Variants in INPP4B observed in about 807,000 individuals in gnomAD.
The protein encoded by INPP4B is inositol polyphosphate-4-phosphatase type II B.
INPP4B carries 55 observed loss-of-function variants against 122.5 expected under a neutral mutation model. The ratio of observed to expected loss-of-function variants is 0.45; its 90% CI spans 0.36 to 0.56. INPP4B has a LOEUF of 0.56. Ranked by LOEUF, INPP4B falls within the 20% of genes least tolerant of loss-of-function variation. The probability of loss-of-function intolerance (pLI) is 0.00; values close to 1 mark genes in which losing one functional copy is unlikely to be tolerated. For synonymous variants in INPP4B, 403 were observed against 388.7 expected, an observed-to-expected ratio of 1.04 and a Z score of -0.43; for missense variants, 1,000 against 1,097.7, an observed-to-expected ratio of 0.91 and a Z score of 1.26.
chr4:142,053,499 TG>T (rs1201898755), intron 25 of INPP4B, among the ~76,000 whole-genome samples: 1 of 152,106 alleles, frequency 6.6e-6, no homozygotes, highest in Non-Finnish European at 1.5e-5. Context: ...ATTGTTCTGC[TG>T]GGAAAAATTG....
chr4:142,435,477 G>T (rs1810252548), intron 3 of INPP4B, among the ~76,000 whole-genome samples: 1 of 149,302 alleles, frequency 6.7e-6, no homozygotes, highest in South Asian at 2.2e-4. Flanking sequence ...AATTTATTTG[G>T]GGGAGGGGGG....
At chr4:142,343,631 C>A (rs1444041235) in intron 7 of INPP4B, among the ~76,000 whole-genome samples, 1 of 151,890 alleles carries the variant, frequency 6.6e-6, no homozygotes, top group Non-Finnish European at 1.5e-5. Flanking sequence ...GACTAATGAC[C>A]AATAGCTCAA....
chr4:142,368,918 T>C lies in INPP4B; in HGVS notation c.372+34020A>G, dbSNP rs1399998569. Among the ~76,000 whole-genome samples the C allele has an allele frequency of 2.6e-5, 4 of 151,946 alleles. No individual in the cohort carries two copies. The East Asian group carries it at 7.8e-4, about 29-fold the overall frequency. Reference sequence around the variant, plus strand: ...AGAGTAAAAGGAGACATTTGCCGAGTTAAGCCTGGATCACTTCAAGAAGAG... The same window carrying C: ...AGAGTAAAAGGAGACATTTGCCGAGCTAAGCCTGGATCACTTCAAGAAGAG... On this transcript the variant is annotated intron_variant, in intron 7 of 25. Coordinates refer to ENST00000262992, the MANE Select transcript of INPP4B (RefSeq NM_001101669.3).
intron 1 of INPP4B, among the ~76,000 whole-genome samples, chr4:142,772,053 AT>A (rs1773154194): frequency 6.6e-6 from 1 of 152,142 alleles, no homozygotes; most frequent in Admixed American, 6.5e-5. Flanking sequence ...TAAGTTTGTG[AT>A]TCTAATTAGA....
chr4:142,316,136 C>T (rs1767560361), intron 7 of INPP4B, among the ~76,000 whole-genome samples: 1 of 152,150 alleles, frequency 6.6e-6, no homozygotes, highest in South Asian at 2.1e-4. Flanking sequence ...CTATCGCTTG[C>T]ACAATTTGTC....
Position 142,237,941 on chromosome 4 carries a change from C to T in INPP4B, c.759G>A (p.Glu253=). ...TSDNKWMRIR[E]QMSESILSFH... is the part of the protein sequence containing the mutation. ...AGGAAAGAATGCTCTCTGACATCTG[C>T]TCTCGAATTCGCATCCACTTATTGT... The change falls in exon 12 of 26, where the codon GAG becomes GAA. Residue 253 remains glutamate, a synonymous_variant. Transcript: ENST00000262992. 1 of 1,576,570 alleles carries T rather than the reference C, an allele frequency of 6.3e-7. No homozygotes were observed. Among genetic ancestry groups the T allele is most frequent in the Middle Eastern group, 1.7e-4 (1 of 5,978 alleles).
chr4:142,354,879 G>C (rs1163281237), intron 7 of INPP4B, among the ~76,000 whole-genome samples: 2 of 151,994 alleles, frequency 1.3e-5, no homozygotes, highest in South Asian at 2.1e-4. Context: ...TTAATGGCTT[G>C]ATGGTGATTT....
At chr4:142,679,566 A>G (rs1326073261) in intron 2 of INPP4B, among the ~76,000 whole-genome samples, 1 of 151,774 alleles carries the variant, frequency 6.6e-6, no homozygotes, top group Non-Finnish European at 1.5e-5. Context: ...GTTGTGTAGT[A>G]AGGTTGAGAA....
At chr4:142,585,070 G>A (rs1384171015) in intron 2 of INPP4B, among the ~76,000 whole-genome samples, 2 of 152,078 alleles carry the variant, frequency 1.3e-5, no homozygotes, top group Non-Finnish European at 2.9e-5. Context: ...TGTGGTGGTG[G>A]GGGAGGAATG....
chr4:142,634,992 A>G (rs528853362), intron 2 of INPP4B, among the ~76,000 whole-genome samples: 1 of 152,288 alleles, frequency 6.6e-6, no homozygotes, highest in South Asian at 2.1e-4. Flanking sequence ...AGCATCTATA[A>G]CGAACTTAAA....
intron 25 of INPP4B, among the ~76,000 whole-genome samples, chr4:142,031,805 G>C (rs1294480934): frequency 6.6e-6 from 1 of 152,152 alleles, no homozygotes; most frequent in Non-Finnish European, 1.5e-5. Flanking sequence ...CAGAGAAGGA[G>C]TTTATTCATT....
chr4:142,450,736 T>A (rs1233421629), intron 3 of INPP4B, among the ~76,000 whole-genome samples: 1 of 152,146 alleles, frequency 6.6e-6, no homozygotes, highest in African/African-American at 2.4e-5. Context: ...TACAAAGTAA[T>A]TTCTTCCAGG....
chr4:142,068,319 C>A (rs1764844454), intron 25 of INPP4B, among the ~76,000 whole-genome samples: 1 of 152,192 alleles, frequency 6.6e-6, no homozygotes, highest in African/African-American at 2.4e-5. Context: ...CTTACAAGAG[C>A]TCCTCAAGGA....
chr4:142,157,036 A>G (rs1186070472), intron 17 of INPP4B, among the ~76,000 whole-genome samples: 1 of 152,122 alleles, frequency 6.6e-6, no homozygotes, highest in Non-Finnish European at 1.5e-5. Context: ...TATCACAGAA[A>G]CCCAATTGAA....
In INPP4B at chr4:142,522,226, T is replaced by C. The variant is rs557217449; in HGVS notation, c.-190-59500A>G. 1.6e-4 allele frequency among the ~76,000 whole-genome samples: 24 copies of C among 152,268 alleles called. No individual in the cohort carries two copies. In the South Asian group the frequency reaches 4.8e-3, roughly 30 times the overall value. ...AGTTTGTATTTCAGTATCTTATGTT[T>C]TCTTCTAAAATTTTCAGTTTTATTT... On this transcript the variant is annotated intron_variant, in intron 2 of 25. Transcript: ENST00000262992.
At chr4:142,255,645 A>G (rs1000047071) in intron 11 of INPP4B, among the ~76,000 whole-genome samples, 1 of 152,222 alleles carries the variant, frequency 6.6e-6, no homozygotes, top group African/African-American at 2.4e-5. Flanking sequence ...ATTCATCAAG[A>G]AGAGCTAACT....
intron 7 of INPP4B, among the ~76,000 whole-genome samples, chr4:142,360,854 A>G (rs1785148855): frequency 6.6e-6 from 1 of 151,990 alleles, no homozygotes; most frequent in Admixed American, 6.6e-5. Flanking sequence ...GAAACCTACC[A>G]AAGTGACTCA....
chr4:142,385,911 G>A (rs1795817541), intron 7 of INPP4B, among the ~76,000 whole-genome samples: 2 of 151,818 alleles, frequency 1.3e-5, no homozygotes, highest in South Asian at 4.2e-4. Context: ...TTTTTGTGGT[G>A]AGAATATTTA....
chr4:142,419,033 A>T (rs1042367926), intron 5 of INPP4B, among the ~76,000 whole-genome samples: 7 of 152,126 alleles, frequency 4.6e-5, no homozygotes, highest in African/African-American at 1.4e-4. Flanking sequence ...GATGGATTTA[A>T]TGTAAGGTTA....
Sources: allele counts gnomAD v4.1 joint callset (sites outside exome capture counted in the v4.1 genomes callset), GRCh38; gene constraint gnomAD v4.1.1; transcripts MANE v1.5; gene names NCBI Gene and HGNC (gene_info 2026-07-23, HGNC 2026-07-21).